The following PPFIBP2 variants were observed in gnomAD, a reference collection of about 807,000 sequenced individuals.
PPFIBP2 encodes the protein liprin-beta-2.
In PPFIBP2, 118 loss-of-function variants were observed where a neutral mutation model predicts 118.3. That is an observed-to-expected ratio of 1.00 (90% CI 0.86 to 1.16). The LOEUF (loss-of-function observed/expected upper bound fraction) is 1.16, where lower values mean the gene tolerates loss of function less well. Ranked by LOEUF, PPFIBP2 falls within the 50% of genes most tolerant of loss-of-function variation. PPFIBP2 has a pLI of 0.00. For synonymous variants in PPFIBP2, 414 were observed against 397.4 expected, an observed-to-expected ratio of 1.04 and a Z score of -0.50; for missense variants, 1,195 against 1,073.1, an observed-to-expected ratio of 1.11 and a Z score of -1.59.
intron 4 of PPFIBP2, among the ~76,000 whole-genome samples, chr11:7,595,142 T>G (rs1414507346): frequency 6.6e-6 from 1 of 152,068 alleles, no homozygotes; most frequent in East Asian, 1.9e-4. Flanking sequence ...GCCCACACAC[T>G]GAGGCAAGAG....
At chr11:7,613,758 C>T (rs925170272) in intron 6 of PPFIBP2, among the ~76,000 whole-genome samples, 3 of 152,130 alleles carry the variant, frequency 2.0e-5, no homozygotes, top group Non-Finnish European at 4.4e-5. Context: ...TGTGGAGGTG[C>T]CAGCAACCTG....
chr11:7,522,417 T>C (rs1414801808), intron 1 of PPFIBP2, among the ~76,000 whole-genome samples: 4 of 152,176 alleles, frequency 2.6e-5, no homozygotes, highest in African/African-American at 9.7e-5. Flanking sequence ...CCTCGGGTAG[T>C]TTCTTGCTTG....
intron 2 of PPFIBP2, among the ~76,000 whole-genome samples, chr11:7,556,943 C>G (rs762860402): frequency 2.0e-5 from 3 of 152,168 alleles, no homozygotes; most frequent in Non-Finnish European, 4.4e-5. Context: ...ATGTATCATT[C>G]TTGGGACTCA....
At chr11:7,604,521 C>T (rs1347413504) in intron 5 of PPFIBP2, among the ~76,000 whole-genome samples, 1 of 150,478 alleles carries the variant, frequency 6.6e-6, no homozygotes, top group Non-Finnish European at 1.5e-5. Context: ...CAGACACACC[C>T]TCCACACACC....
At chr11:7,544,478 G>A (rs953833974) in intron 1 of PPFIBP2, among the ~76,000 whole-genome samples, 10 of 152,030 alleles carry the variant, frequency 6.6e-5, no homozygotes, top group Non-Finnish European at 1.5e-4. Context: ...TCTCATTGCT[G>A]GGGAGCATGA....
chr11:7,635,575 C>T lies in PPFIBP2; in HGVS notation c.1218C>T (p.Phe406=). 3 of 1,611,376 alleles carry T rather than the reference C, an allele frequency of 1.9e-6. No homozygotes were observed. Among genetic ancestry groups the T allele is most frequent in the Non-Finnish European group, 2.5e-6 (3 of 1,177,434 alleles). The change falls in exon 14 of 24, where the codon TTC becomes TTT. Residue 406 remains phenylalanine, a synonymous_variant. Coordinates refer to ENST00000299492, the MANE Select transcript of PPFIBP2 (RefSeq NM_003621.5). ...AGTGTATGGATGGGAACCAGCCCTT[C>T]CCGGTGTTAGAACCCAAGGTACATT... is the stretch of plus-strand genomic sequence containing the variant. The part of the protein sequence containing the change: ...VDKCMDGNQP[F]PVLEPKDSPF...
At chr11:7,553,362 C>G (rs1853217575) in intron 2 of PPFIBP2, among the ~76,000 whole-genome samples, 1 of 152,118 alleles carries the variant, frequency 6.6e-6, no homozygotes. Flanking sequence ...ATCTGGAGGG[C>G]ATGTTTTCTA....
At position 7,634,380 on chromosome 11, in the gene PPFIBP2, C is replaced by G. The variant is rs1227944812; in HGVS notation, c.1137-115C>G. 53 of 790,434 alleles carry G rather than the reference C, an allele frequency of 6.7e-5. No individual in the cohort carries two copies. The South Asian group carries it at 7.9e-4, about 12-fold the overall frequency. 49.0% of individuals were successfully genotyped at this position (790,434 alleles called of 1,614,324 possible). A position where few individuals can be genotyped will look rare whatever the true frequency, so the allele number is the denominator to read the frequency against. Reference sequence around the variant, plus strand: ...CTATTATGAGAGGGTATTTTTTTTTCTTGACTTTGAACCTAAGCCCAAGAC... The same window carrying G: ...CTATTATGAGAGGGTATTTTTTTTTGTTGACTTTGAACCTAAGCCCAAGAC... On this transcript the variant is annotated intron_variant, in intron 12 of 23. Transcript: ENST00000299492.
intron 8 of PPFIBP2, among the ~76,000 whole-genome samples, chr11:7,626,758 C>G (rs1419780261): frequency 6.6e-6 from 1 of 152,248 alleles, no homozygotes; most frequent in Admixed American, 6.5e-5. Flanking sequence ...TGTCCACTGA[C>G]TACCAGGCTG....
chr11:7,517,316 T>C (rs1590080878), intron 1 of PPFIBP2, among the ~76,000 whole-genome samples: 1 of 151,872 alleles, frequency 6.6e-6, no homozygotes, highest in African/African-American at 2.4e-5. Flanking sequence ...TAGTGTGGGG[T>C]CTTTAAGGGT....
intron 22 of PPFIBP2, 43 bp from the exon 23 acceptor site, chr11:7,651,613 T>G: frequency 1.3e-6 from 2 of 1,542,290 alleles, no homozygotes; most frequent in Non-Finnish European, 1.8e-6. Context: ...CTCGAGCCAT[T>G]TGTATTTGCT....
intron 2 of PPFIBP2, among the ~76,000 whole-genome samples, chr11:7,560,947 A>G (rs766713040): frequency 3.3e-5 from 5 of 152,220 alleles, no homozygotes; most frequent in Non-Finnish European, 4.4e-5. Context: ...AACTGCCCAT[A>G]TAAGAACCTT....
At chr11:7,615,534 A>T (rs2135543405) in intron 6 of PPFIBP2, among the ~76,000 whole-genome samples, 1 of 152,288 alleles carries the variant, frequency 6.6e-6, no homozygotes, top group East Asian at 1.9e-4. Context: ...ACTGATGCAC[A>T]CAAGGGGCAG....
rs1848609700 is a variant in PPFIBP2 at position 7,616,118 on chromosome 11, C to T, written c.619-4817C>T. Among the ~76,000 whole-genome samples the T allele has an allele frequency of 6.6e-6, 1 of 152,038 alleles. No homozygotes were observed. Among genetic ancestry groups the T allele is most frequent in the Admixed American group, 6.6e-5 (1 of 15,262 alleles). ...CGAAACTAAAGGACAATGCTGAGGA[C>T]AACACAAAGCCATACACACACATAC... On this transcript the variant is annotated intron_variant, in intron 6 of 23. Coordinates refer to ENST00000299492, the MANE Select transcript of PPFIBP2 (RefSeq NM_003621.5). The surrounding 1 kb of genome is among the most constrained non-coding windows in gnomAD (Gnocchi z 5.2).
chr11:7,600,262 G>T (rs1254209468), intron 5 of PPFIBP2, among the ~76,000 whole-genome samples: 1 of 152,180 alleles, frequency 6.6e-6, no homozygotes, highest in East Asian at 1.9e-4. Flanking sequence ...CGCTGGGCTG[G>T]GTGGCACCAG....
At chr11:7,568,900 T>C (rs1406840625) in intron 3 of PPFIBP2, 2 of 152,260 alleles carry the variant, frequency 1.3e-5, no homozygotes, top group Admixed American at 6.5e-5. Context: ...TCACAAGCTA[T>C]GGATGCACAC....
intron 1 of PPFIBP2, among the ~76,000 whole-genome samples, chr11:7,525,447 C>T (rs895054810): frequency 3.3e-5 from 5 of 152,134 alleles, no homozygotes; most frequent in Non-Finnish European, 7.3e-5. Context: ...TTAGATCATC[C>T]AGAGGGCTTA....
rs781060258 is a variant in PPFIBP2, at chr11:7,642,414, A to G, written c.1634A>G (p.Lys545Arg). The change falls in exon 17 of 24, where the codon AAG (lysine) becomes AGG (arginine). Residue 545 changes from lysine to arginine, a missense_variant. By Grantham distance (26) the Lys-to-Arg change is conservative. Transcript: ENST00000299492. ...GPRLSRTRDS[K>R]GQKSDANAPF... is the part of the protein sequence containing the mutation. ...AGACTCTCTAGGACCAGGGACTCCA[A>G]GGGACAGAAAAGGTAAGGCTTGACC... is the stretch of plus-strand genomic sequence containing the variant. 5 of 1,613,302 alleles carry G rather than the reference A, an allele frequency of 3.1e-6. No homozygotes were observed. Among genetic ancestry groups the G allele is most frequent in the African/African-American group, 1.3e-5 (1 of 74,902 alleles).
At chr11:7,594,828 A>G (rs951659735) in intron 4 of PPFIBP2, among the ~76,000 whole-genome samples, 5 of 151,400 alleles carry the variant, frequency 3.3e-5, no homozygotes, top group Non-Finnish European at 5.9e-5. Context: ...GACGTAGGAG[A>G]ATTGATTGAA....
Sources: allele counts gnomAD v4.1 joint callset (sites outside exome capture counted in the v4.1 genomes callset), GRCh38; gene constraint gnomAD v4.1.1; non-coding constraint Gnocchi (gnomAD v3.1); transcripts MANE v1.5; gene names NCBI Gene and HGNC (gene_info 2026-07-23, HGNC 2026-07-21).